Variants in LTBP3 observed in about 807,000 individuals in gnomAD.
LTBP3 encodes the protein latent-transforming growth factor beta-binding protein 3.
LTBP3 carries 97 observed loss-of-function variants against 159.7 expected under a neutral mutation model. The ratio of observed to expected loss-of-function variants is 0.61; its 90% CI spans 0.52 to 0.72. The LOEUF (loss-of-function observed/expected upper bound fraction) is 0.72, where lower values mean the gene tolerates loss of function less well. Ranked by LOEUF, LTBP3 falls within the 30% of genes least tolerant of loss-of-function variation. LTBP3 has a pLI of 0.00. For synonymous variants in LTBP3, 824 were observed against 777.1 expected (o/e 1.06, Z -1.00); for missense variants, 1,584 against 1,864.3 (o/e 0.85, Z 2.77).
At position 65,538,959 on chromosome 11, in the gene LTBP3, AGGGTCTGCGGG is replaced by A; in HGVS notation, c.*110_*120del. 7.6e-7 allele frequency: 1 copy of A among 1,314,868 alleles called. No homozygotes were observed. Among genetic ancestry groups the A allele is most frequent in the Middle Eastern group, 2.9e-4 (1 of 3,436 alleles). The allele number at this position is 1,314,868 out of a possible 1,614,324, so 81.5% of individuals were successfully genotyped here. On this transcript the variant is annotated 3_prime_UTR_variant, in exon 28 of 28. Transcript: ENST00000301873. ...GCGCCTCGGGTCTCAAGGCGCCGGG[AGGGTCTGCGGG>A]CCCTGAAGGTCCCTGGGTCCGAGCC... is the stretch of plus-strand genomic sequence containing the variant.
At position 65,541,736 on chromosome 11, in the gene LTBP3, GCAAGAGTAGCGCAGCTGGAAACCCAGCC is replaced by G; in HGVS notation, c.2597-36_2597-9del. On this transcript the variant is annotated splice_polypyrimidine_tract_variant and intron_variant, in intron 18 of 27. Transcript: ENST00000301873. ...GGCTGCACTCATCTATGTCTGCGGG[GCAAGAGTAGCGCAGCTGGAAACCCAGCC>G]CCTCTTTCCCTGGGGCTGCACCTCA... 1 of 1,613,930 alleles carries G rather than the reference GCAAGAGTAGCGCAGCTGGAAACCCAGCC, an allele frequency of 6.2e-7. No individual in the cohort carries two copies. The highest frequency in any genetic ancestry group is 8.5e-7 in the Non-Finnish European group (1 of 1,179,940).
chr11:65,548,159 A>T, intron 11 of LTBP3, 114 bp from the exon 12 acceptor site: 1 of 1,449,264 alleles, frequency 6.9e-7, no homozygotes, highest in East Asian at 2.3e-5. Flanking sequence ...CTGTACGCCC[A>T]TACTCCAACT....
intron 11 of LTBP3, 54 bp downstream of exon 11, chr11:65,551,072 A>G: frequency 6.9e-7 from 1 of 1,455,210 alleles, no homozygotes. Context: ...GAGGAGAGAA[A>G]ACTAAAGTGG....
rs746190994 is a variant in LTBP3 at position 65,546,713 on chromosome 11, C to T, written c.2230+85G>A. On this transcript the variant is annotated intron_variant, in intron 15 of 27. Coordinates refer to ENST00000301873, the MANE Select transcript of LTBP3 (RefSeq NM_001130144.3). This position sits in a 1 kb window ranked among gnomAD's most constrained non-coding sequence, Gnocchi z 4.0. ...CCCGCCCCCAGACGCCAATCACCAC[C>T]GCTACCCCGCCCCGCCCCCAGCGGA... is the stretch of plus-strand genomic sequence containing the variant. The T allele has an allele frequency of 2.0e-5, 31 of 1,530,866 alleles. No individual in the cohort carries two copies. The highest frequency in any genetic ancestry group is 2.5e-5 in the Non-Finnish European group (28 of 1,140,170). The allele number at this position is 1,530,866 out of a possible 1,614,324, so 94.8% of individuals were successfully genotyped here.
In LTBP3 at chr11:65,553,683, G is replaced by T; in HGVS notation, c.864+18C>A. On this transcript the variant is annotated intron_variant, in intron 3 of 27. Transcript: ENST00000301873. The surrounding 1 kb of genome is among the most constrained non-coding windows in gnomAD (Gnocchi z 6.5). The stretch of plus-strand genomic sequence containing the variant: ...CCTGAGAGAAGGAAAGGCAGATCCC[G>T]ACTGTGGATTCACTCACCGGCTGCT... 6.4e-7 allele frequency: 1 copy of T among 1,567,154 alleles called. No individual in the cohort carries two copies.
Position 65,552,521 on chromosome 11 carries a change from G to C in LTBP3, c.1187-115C>G. 7.6e-7 allele frequency: 1 copy of C among 1,324,394 alleles called. No individual in the cohort carries two copies. The highest frequency in any genetic ancestry group is 1.0e-6 in the Non-Finnish European group (1 of 953,426). 82.0% of individuals were successfully genotyped at this position (1,324,394 alleles called of 1,614,324 possible). On this transcript the variant is annotated intron_variant, in intron 6 of 27. Transcript: ENST00000301873. This position sits in a 1 kb window ranked among gnomAD's most constrained non-coding sequence, Gnocchi z 6.0. ...CCAGACAACCCTTGATCCCCCATGT[G>C]GTCTCTGACCCCATATGACCCTGAA... is the stretch of plus-strand genomic sequence containing the variant.
At chr11:65,543,016 G>T in intron 18 of LTBP3, 89 bp downstream of exon 18, 1 of 1,525,720 alleles carries the variant, frequency 6.6e-7, no homozygotes, top group Non-Finnish European at 9.0e-7. Flanking sequence ...TGGATGGGTG[G>T]ATGGATGGAT....
At position 65,554,330 on chromosome 11, in the gene LTBP3, G is replaced by T. The variant is rs1270406255; in HGVS notation, c.382C>A (p.Gln128Lys). 6.2e-7 allele frequency: 1 copy of T among 1,612,342 alleles called. No homozygotes were observed. Among genetic ancestry groups the T allele is most frequent in the South Asian group, 1.1e-5 (1 of 91,034 alleles). The change falls in exon 2 of 28, where the codon CAG becomes AAG. Residue 128 changes from glutamine to lysine, a missense_variant. By Grantham distance (53) the Gln-to-Lys change is moderately conservative. This residue lies in a region of LTBP3 where 76 missense variants were observed against 133.3 expected (regional missense o/e 0.57). Coordinates refer to ENST00000301873, the MANE Select transcript of LTBP3 (RefSeq NM_001130144.3). This position sits in a 1 kb window ranked among gnomAD's most constrained non-coding sequence, Gnocchi z 5.3. ...GTGAAGTCCGGGGGACACAGGCACT[G>T]GTTTCGCGAGGAGCACTGGCCGCCA... ...MNGGQCSSRN[Q>K]CLCPPDFTGR...
rs1392991917 is a variant in LTBP3, at chr11:65,540,281, G to A, written c.3208C>T (p.Pro1070Ser). The change falls in exon 23 of 28, where the codon CCC (proline) becomes TCC (serine). Residue 1070 changes from proline (P) to serine (S), a missense_variant. Transcript: ENST00000301873. Reference protein sequence around the residue: ...CACTPPAEYSPAQRQCLSPEE... With the variant: ...CACTPPAEYSSAQRQCLSPEE... ...GGGCTCAGGCACTGGCGCTGCGCGG[G>A]ACTGTACTCGGCAGGGGGCGTGCAG... is the stretch of plus-strand genomic sequence containing the variant. 1.3e-6 allele frequency: 2 copies of A among 1,556,090 alleles called. No homozygotes were observed. The highest frequency in any genetic ancestry group is 8.7e-7 in the Non-Finnish European group (1 of 1,149,832).
intron 11 of LTBP3, 42 bp downstream of exon 11, chr11:65,551,084 G>T: frequency 6.7e-7 from 1 of 1,492,082 alleles, no homozygotes; most frequent in Non-Finnish European, 9.1e-7. Flanking sequence ...CTAAAGTGGG[G>T]GCGTGGCCTA....
In LTBP3 at chr11:65,541,004, C is replaced by T. The variant is rs768649425; in HGVS notation, c.2894-50G>A. On this transcript the variant is annotated intron_variant, in intron 20 of 27. Coordinates refer to ENST00000301873, the MANE Select transcript of LTBP3 (RefSeq NM_001130144.3). ...GAGGGAAGAGGCAGGACTGAGCGCG[C>T]GCGTGGGCTTAGGGCTGCAGCCCGC... 8.8e-6 allele frequency: 14 copies of T among 1,592,970 alleles called. No individual in the cohort carries two copies. The South Asian group carries it at 1.2e-4, about 14-fold the overall frequency.
At chr11:65,557,393 C>G (rs1423310190) in intron 1 of LTBP3, among the ~76,000 whole-genome samples, 1 of 152,070 alleles carries the variant, frequency 6.6e-6, no homozygotes, top group Non-Finnish European at 1.5e-5. Context: ...TTCCCCACCC[C>G]TTAGGCCCCA....
intron 21 of LTBP3, 119 bp from the exon 22 acceptor site, chr11:65,540,733 ACAGGGCGGGGCCTG>A (rs1474108502): frequency 6.6e-7 from 1 of 1,508,214 alleles, no homozygotes; most frequent in Admixed American, 1.7e-5. Flanking sequence ...GGCGGGGCCT[ACAGGGCGGGGCCTG>A]CGAGGAAGGT....
rs760385371 is a variant in LTBP3, at chr11:65,547,914, G to C, written c.1846+6C>G. 91 of 1,613,530 alleles carry C rather than the reference G, an allele frequency of 5.6e-5. 1 individual carries two copies. The Admixed American group carries it at 1.1e-3, about 20-fold the overall frequency. ...CCTGCATGCCCGCCGCCTGCCCTGCGCTCACCCACGCAGTAGCGGTGCTGG... is the reference window on the plus strand; with the variant it reads ...CCTGCATGCCCGCCGCCTGCCCTGCCCTCACCCACGCAGTAGCGGTGCTGG... On this transcript the variant is annotated splice_donor_region_variant and intron_variant, in intron 12 of 27. Transcript: ENST00000301873. This position sits in a 1 kb window ranked among gnomAD's most constrained non-coding sequence, Gnocchi z 4.6.
At chr11:65,548,127 G>A in intron 11 of LTBP3, 82 bp from the exon 12 acceptor site, 4 of 1,596,200 alleles carry the variant, frequency 2.5e-6, no homozygotes, top group East Asian at 2.2e-5. Flanking sequence ...CAACACCCCA[G>A]TCACACCATG....
chr11:65,541,843 A>G, intron 18 of LTBP3, 115 bp from the exon 19 acceptor site: 1 of 1,242,184 alleles, frequency 8.1e-7, no homozygotes, highest in Non-Finnish European at 1.1e-6. Context: ...CAAAGTATGT[A>G]CAGCAGGAAG....
Position 65,547,973 on chromosome 11 carries a change from G to T in LTBP3, c.1793C>A (p.Ser598Tyr), listed in dbSNP as rs1401267580. ...CCGGTAGCCGGGGTTGCAGTGGCAG[G>T]AGTAGTCAGGGGGGCCCGGCACGCA... is the stretch of plus-strand genomic sequence containing the variant. ...GECVPGPPDY[S>Y]CHCNPGYRSH... The change falls in exon 12 of 28, where the codon TCC becomes TAC. Residue 598 changes from serine to tyrosine, a missense_variant. By Grantham distance (144) the Ser-to-Tyr change is moderately radical (BLOSUM62 -2). Coordinates refer to ENST00000301873, the MANE Select transcript of LTBP3 (RefSeq NM_001130144.3). The surrounding 1 kb of genome is among the most constrained non-coding windows in gnomAD (Gnocchi z 4.6). 4 of 1,613,918 alleles carry T rather than the reference G, an allele frequency of 2.5e-6. No individual in the cohort carries two copies. The highest frequency in any genetic ancestry group is 2.2e-5 in the East Asian group (1 of 44,878).
chr11:65,554,430 C>A lies in LTBP3; in HGVS notation c.332-50G>T. On this transcript the variant is annotated intron_variant, in intron 1 of 27. Coordinates refer to ENST00000301873, the MANE Select transcript of LTBP3 (RefSeq NM_001130144.3). This position sits in a 1 kb window ranked among gnomAD's most constrained non-coding sequence, Gnocchi z 5.3. The stretch of plus-strand genomic sequence containing the variant: ...CCTCACCCACATCCTGTCTCTTTCC[C>A]CTCCTCCCTACTTCCTTGCCACCCA... The A allele has an allele frequency of 6.8e-7, 1 of 1,464,262 alleles. No individual in the cohort carries two copies. Among genetic ancestry groups the A allele is most frequent in the South Asian group, 1.2e-5 (1 of 83,148 alleles). 90.7% of individuals were successfully genotyped at this position (1,464,262 alleles called of 1,614,324 possible). A position where few individuals can be genotyped will look rare whatever the true frequency, so the allele number is the denominator to read the frequency against.
Position 65,552,345 on chromosome 11 carries a change from C to T in LTBP3, c.1248G>A (p.Gln416=). Residue 416 remains glutamine, a synonymous_variant, in exon 7 of 28, where the codon CAG becomes CAA. Coordinates refer to ENST00000301873, the MANE Select transcript of LTBP3 (RefSeq NM_001130144.3). The surrounding 1 kb of genome is among the most constrained non-coding windows in gnomAD (Gnocchi z 6.0). ...FRLVSPEHQC[Q]HPLTTRLTRQ... ...GGGTCAGGCGGGTGGTCAGTGGGTG[C>T]TGGCACTGGTGCTCAGGGCTCACCA... The T allele has an allele frequency of 2.5e-6, 4 of 1,614,068 alleles. No homozygotes were observed. Among genetic ancestry groups the T allele is most frequent in the Non-Finnish European group, 3.4e-6 (4 of 1,179,984 alleles).
Sources: gnomAD v4.1 joint callset for allele counts (sites outside exome capture counted in the v4.1 genomes callset) on GRCh38, gnomAD v4.1.1 for gene constraint, gnomAD v4.1.1 regional missense constraint, Gnocchi (gnomAD v3.1) non-coding constraint, MANE v1.5 for transcripts, NCBI Gene and HGNC (gene_info 2026-07-23, HGNC 2026-07-21) for gene names.